PDE10A: variants seen among roughly 807,000 people sequenced by gnomAD.
PDE10A encodes the protein phosphodiesterase 10A, also known as cAMP and cAMP-inhibited cGMP 3',5'-cyclic phosphodiesterase 10A.
In PDE10A, 39 loss-of-function variants were observed where a neutral mutation model predicts 97.7. The ratio of observed to expected loss-of-function variants is 0.40; its 90% confidence interval spans 0.31 to 0.52. The LOEUF (loss-of-function observed/expected upper bound fraction) is 0.52, where lower values mean the gene tolerates loss of function less well. PDE10A is among the 20% of genes least tolerant of loss of function. PDE10A has a pLI of 0.56. For missense variants in PDE10A, 731 were observed against 1,047.8 expected, an observed-to-expected ratio of 0.70 and a Z score of 4.17; for synonymous variants, 371 against 376.8, an observed-to-expected ratio of 0.98 and a Z score of 0.18.
In PDE10A at chr6:165,655,145, C is replaced by T. The variant is rs373501913; in HGVS notation, c.865+6802G>A. The stretch of plus-strand genomic sequence containing the variant: ...ATTGCACCCAGCTATGGTTGATTAA[C>T]CAACTCCGTCTGTATTTCCCTCAGA... On this transcript the variant is annotated intron_variant, in intron 1 of 21. Transcript: ENST00000539869. This position sits in a 1 kb window ranked among gnomAD's most constrained non-coding sequence, Gnocchi z 4.5. 1.2e-3 allele frequency among the ~76,000 whole-genome samples: 178 copies of T among 152,302 alleles called. 1 individual carries two copies. Among genetic ancestry groups the T allele is most frequent in the African/African-American group, 4.1e-3 (171 of 41,570 alleles).
chr6:165,692,773 T>C (rs1423397581), intron 1 of PDE10A, among the ~76,000 whole-genome samples: 1 of 152,162 alleles, frequency 6.6e-6, no homozygotes, highest in Non-Finnish European at 1.5e-5. Flanking sequence ...TTAAATCATA[T>C]TGTATCCACC....
chr6:165,864,403 T>C (rs545568371), intron 1 of PDE10A, among the ~76,000 whole-genome samples: 2 of 152,312 alleles, frequency 1.3e-5, no homozygotes, highest in East Asian at 3.9e-4. Flanking sequence ...TACACTATGA[T>C]CTATCCTCCT....
intron 1 of PDE10A, among the ~76,000 whole-genome samples, chr6:165,751,650 A>C (rs1793003717): frequency 6.6e-6 from 1 of 152,210 alleles, no homozygotes; most frequent in South Asian, 2.1e-4. Flanking sequence ...GAAACCGGCC[A>C]AAACCAGCAG....
intron 1 of PDE10A, among the ~76,000 whole-genome samples, chr6:165,627,569 C>T (rs190413740): frequency 6.6e-6 from 1 of 152,178 alleles, no homozygotes; most frequent in East Asian, 1.9e-4. Context: ...CCCTGCTGCA[C>T]CCAAGCTGCC....
chr6:165,413,509 A>G lies in PDE10A; in HGVS notation c.2068T>C (p.Cys690Arg), dbSNP rs1441562291. 6.2e-7 allele frequency: 1 copy of G among 1,611,636 alleles called. No homozygotes were observed. Among genetic ancestry groups the G allele is most frequent in the African/African-American group, 1.3e-5 (1 of 74,888 alleles). The change falls in exon 13 of 22, where the codon TGT becomes CGT. Residue 690 changes from cysteine (C) to arginine (R), a missense_variant. Physicochemically the swap from Cys to Arg is radical, Grantham distance 180. Transcript: ENST00000539869. The part of the protein sequence containing the change: ...FAVFCALALH[C>R]ANMYHRIRHS... Reference sequence around the variant, plus strand: ...TAATAAATAGTACTTACATTAGCACAGTGTAAGGCTAAAGCACAAAAGACG... The same window carrying G: ...TAATAAATAGTACTTACATTAGCACGGTGTAAGGCTAAAGCACAAAAGACG...
chr6:165,476,229 G>A lies in PDE10A; in HGVS notation c.1023+6086C>T, dbSNP rs550099196. ...ATACTAGAATACAGAGGATAGAAGC[G>A]AATTTGGGATGTCGTGTGAGACGGA... On this transcript the variant is annotated intron_variant, in intron 3 of 21. Coordinates refer to ENST00000539869, the MANE Select transcript of PDE10A (RefSeq NM_001385079.1). 1.1e-4 allele frequency among the ~76,000 whole-genome samples: 17 copies of A among 151,670 alleles called. No individual in the cohort carries two copies. In the East Asian group the frequency reaches 2.7e-3, roughly 24 times the overall value.
chr6:165,530,672 C>T (rs921003512), intron 2 of PDE10A, among the ~76,000 whole-genome samples: 1 of 152,084 alleles, frequency 6.6e-6, no homozygotes, highest in Non-Finnish European at 1.5e-5. Context: ...AAACTTTATT[C>T]TTTGATGCTC....
chr6:165,661,887 C>T lies in PDE10A; in HGVS notation c.865+60G>A. On this transcript the variant is annotated intron_variant, in intron 1 of 21. Transcript: ENST00000539869. This position sits in a 1 kb window ranked among gnomAD's most constrained non-coding sequence, Gnocchi z 4.8. ...CCCACCCAGCAGTCCAAGCCCCCCA[C>T]CTGCCCCCAGGGGATGAGGAGCCGC... 2 of 748,754 alleles carry T rather than the reference C, an allele frequency of 2.7e-6. No individual in the cohort carries two copies. The highest frequency in any genetic ancestry group is 4.7e-6 in the Non-Finnish European group (2 of 430,064). The allele number at this position is 748,754 out of a possible 1,614,324, so 46.4% of individuals were successfully genotyped here. A position where few individuals can be genotyped will look rare whatever the true frequency, so the allele number is the denominator to read the frequency against.
At chr6:165,434,353 C>T (rs1359265759) in intron 6 of PDE10A, among the ~76,000 whole-genome samples, 1 of 150,928 alleles carries the variant, frequency 6.6e-6, no homozygotes, top group Non-Finnish European at 1.5e-5. Context: ...GGTGGAAAAA[C>T]CAAAATTAAA....
chr6:165,577,418 C>T (rs917049991), intron 1 of PDE10A, among the ~76,000 whole-genome samples: 1 of 152,178 alleles, frequency 6.6e-6, no homozygotes, highest in Non-Finnish European at 1.5e-5. Flanking sequence ...ACGCAACACT[C>T]CATGCTCAAG....
chr6:165,898,695 C>T (rs1361795084), intron 1 of PDE10A, among the ~76,000 whole-genome samples: 3 of 152,090 alleles, frequency 2.0e-5, no homozygotes, highest in Non-Finnish European at 4.4e-5. Flanking sequence ...CACCCCTAAA[C>T]ACTGGACGGC....
chr6:165,852,834 G>A (rs7751553), intron 1 of PDE10A, among the ~76,000 whole-genome samples: 50,416 of 152,080 alleles, frequency 0.33, 8,943 homozygotes, highest in Middle Eastern at 0.46. Flanking sequence ...ATCCTAGCTC[G>A]TGGCTCATTC....
intron 1 of PDE10A, among the ~76,000 whole-genome samples, chr6:165,961,537 C>A (rs190466480): frequency 6.6e-6 from 1 of 152,208 alleles, no homozygotes; most frequent in Admixed American, 6.5e-5. Flanking sequence ...TTACCCATGA[C>A]GTCAGCGAGG....
chr6:165,520,724 A>G (rs1782078958), intron 2 of PDE10A, among the ~76,000 whole-genome samples: 1 of 152,194 alleles, frequency 6.6e-6, no homozygotes. Flanking sequence ...CATATATTCA[A>G]CATTAACTGA....
rs1790321816 is a variant in PDE10A at position 165,662,359 on chromosome 6, C to CGCCGCT, written c.452_453insAGCGGC (p.Ala153_Ala154dup). 6.1e-6 allele frequency: 1 copy of CGCCGCT among 163,396 alleles called. No individual in the cohort carries two copies. 10.1% of individuals were successfully genotyped at this position (163,396 alleles called of 1,614,324 possible). ...CATCGCCGCCTCCTCCCGCCGCCGCCGCCGCCGCTGCGCCCTCCCTTCCTG... is the reference window on the plus strand; with the variant it reads ...CATCGCCGCCTCCTCCCGCCGCCGCCGCCGCTGCCGCCGCTGCGCCCTCCCTTCCTG... On this transcript the variant is annotated inframe_insertion, in exon 1 of 22. Coordinates refer to ENST00000539869, the MANE Select transcript of PDE10A (RefSeq NM_001385079.1).
At chr6:165,557,169 T>C (rs540318370) in intron 1 of PDE10A, among the ~76,000 whole-genome samples, 6 of 151,972 alleles carry the variant, frequency 3.9e-5, no homozygotes, top group South Asian at 4.2e-4. Context: ...AATACTCCCA[T>C]AGAAATAAAC....
intron 1 of PDE10A, among the ~76,000 whole-genome samples, chr6:165,558,977 G>A (rs1211189737): frequency 6.7e-6 from 1 of 150,336 alleles, no homozygotes; most frequent in Non-Finnish European, 1.5e-5. Context: ...AATAACGGAA[G>A]CACTATAACA....
intron 1 of PDE10A, among the ~76,000 whole-genome samples, chr6:165,837,657 TG>T (rs1167088589): frequency 3.0e-5 from 4 of 135,456 alleles, no homozygotes; most frequent in African/African-American, 1.1e-4. Context: ...ATATCTCTCC[TG>T]GTTTTTTTTT....
At chr6:165,627,751 A>G (rs1428406841) in intron 1 of PDE10A, among the ~76,000 whole-genome samples, 3 of 152,246 alleles carry the variant, frequency 2.0e-5, no homozygotes, top group African/African-American at 2.4e-5. Flanking sequence ...GTTAAATGGC[A>G]TATCACTAAA....
Sources: gnomAD v4.1 joint callset for allele counts (sites outside exome capture counted in the v4.1 genomes callset) on GRCh38, gnomAD v4.1.1 for gene constraint, Gnocchi (gnomAD v3.1) non-coding constraint, MANE v1.5 for transcripts, NCBI Gene and HGNC (gene_info 2026-07-23, HGNC 2026-07-21) for gene names.